Variants in SDK1 observed in about 807,000 individuals in gnomAD.
SDK1 encodes the protein sidekick cell adhesion molecule 1.
Under a neutral mutation model 245.5 loss-of-function variants are expected in SDK1, and 157 were observed. The ratio of observed to expected loss-of-function variants is 0.64; its 90% confidence interval spans 0.56 to 0.73. SDK1 has a LOEUF of 0.73. Among genes scored for constraint, SDK1 ranks in the 30% least tolerant of loss-of-function variants. The pLI is 0.00. For synonymous variants in SDK1, 1,647 were observed against 1,278.5 expected (o/e 1.29, Z -6.15); for missense variants, 3,583 against 3,002.3 (o/e 1.19, Z -4.52).
At chr7:3,883,243 C>T (rs1316089580) in intron 5 of SDK1, among the ~76,000 whole-genome samples, 1 of 152,116 alleles carries the variant, frequency 6.6e-6, no homozygotes, top group African/African-American at 2.4e-5. Flanking sequence ...TTGGGGTTCT[C>T]CTAGGATTTG....
At chr7:3,590,885 C>T (rs1465279182) in intron 1 of SDK1, among the ~76,000 whole-genome samples, 4 of 150,998 alleles carry the variant, frequency 2.6e-5, no homozygotes, top group Non-Finnish European at 4.4e-5. Context: ...CAGGCTCAAG[C>T]GATCCTCCTG....
At chr7:3,363,000 C>T (rs1420726219) in intron 1 of SDK1, among the ~76,000 whole-genome samples, 1 of 152,088 alleles carries the variant, frequency 6.6e-6, no homozygotes, top group African/African-American at 2.4e-5. Flanking sequence ...CATCAGTTTC[C>T]CCTTATGGTG....
At chr7:3,430,224 G>C (rs887301946) in intron 1 of SDK1, among the ~76,000 whole-genome samples, 1 of 152,092 alleles carries the variant, frequency 6.6e-6, no homozygotes, top group Non-Finnish European at 1.5e-5. Flanking sequence ...TTCTAAATTT[G>C]GTAATAAAAG....
At chr7:3,440,020 G>A (rs938639348) in intron 1 of SDK1, among the ~76,000 whole-genome samples, 2 of 152,072 alleles carry the variant, frequency 1.3e-5, no homozygotes, top group East Asian at 3.9e-4. Context: ...GATATGCTTT[G>A]ACATATTCAC....
chr7:3,429,505 G>A (rs1422262891), intron 1 of SDK1, among the ~76,000 whole-genome samples: 2 of 151,898 alleles, frequency 1.3e-5, no homozygotes, highest in African/African-American at 4.8e-5. Flanking sequence ...TCTCATTTTT[G>A]ATCTTGCATG....
rs192157968 is a variant in SDK1, at chr7:4,140,919, T to C, written c.4229-4803T>C. 4.0e-3 allele frequency among the ~76,000 whole-genome samples: 611 copies of C among 152,226 alleles called. 5 individuals are homozygous for C. Among genetic ancestry groups the C allele is most frequent in the African/African-American group, 0.014 (591 of 41,526 alleles). ...GAGTTCAAGACCAGCCTGTGCAACA[T>C]AGTGAGACCCCATCTCTATTTTAAA... On this transcript the variant is annotated intron_variant, in intron 28 of 44. Coordinates refer to ENST00000404826, the MANE Select transcript of SDK1 (RefSeq NM_152744.4).
At chr7:3,537,010 C>T (rs1163940166) in intron 1 of SDK1, among the ~76,000 whole-genome samples, 1 of 152,052 alleles carries the variant, frequency 6.6e-6, no homozygotes, top group Non-Finnish European at 1.5e-5. Context: ...ATAATTTACA[C>T]ATATTAAAAT....
At chr7:4,258,344 G>A (rs576598548) in intron 44 of SDK1, among the ~76,000 whole-genome samples, 1 of 152,146 alleles carries the variant, frequency 6.6e-6, no homozygotes, top group Non-Finnish European at 1.5e-5. Context: ...GCAGGAGGAG[G>A]GGTGGGCAGG....
In SDK1 at chr7:3,863,752, G is replaced by A. The variant is rs1025679007; in HGVS notation, c.847+42169G>A. Among the ~76,000 whole-genome samples, 3 of 152,332 alleles carry A rather than the reference G, an allele frequency of 2.0e-5. No homozygotes were observed. The East Asian group carries it at 5.8e-4, about 29-fold the overall frequency. ...GTCTTCAGGGTTCATCCATGTTGTA[G>A]CAGTTGTCAGAATTCCTTCCCTGTT... On this transcript the variant is annotated intron_variant, in intron 5 of 44. Coordinates refer to ENST00000404826, the MANE Select transcript of SDK1 (RefSeq NM_152744.4).
At chr7:3,377,381 A>C (rs1003061620) in intron 1 of SDK1, among the ~76,000 whole-genome samples, 1 of 152,166 alleles carries the variant, frequency 6.6e-6, no homozygotes, top group African/African-American at 2.4e-5. Context: ...TGGACATTCC[A>C]GCTGCCCCCT....
intron 44 of SDK1, among the ~76,000 whole-genome samples, chr7:4,246,308 TC>T (rs1786856964): frequency 6.6e-6 from 1 of 152,094 alleles, no homozygotes; most frequent in South Asian, 2.1e-4. Flanking sequence ...TCTCATGTAG[TC>T]CCGGGGTAAC....
chr7:4,204,997 G>T (rs546777995), intron 35 of SDK1, among the ~76,000 whole-genome samples: 1 of 151,832 alleles, frequency 6.6e-6, no homozygotes. Flanking sequence ...CCCTAATGGC[G>T]GTGTGGTAAG....
intron 1 of SDK1, among the ~76,000 whole-genome samples, chr7:3,434,377 TC>T (rs1191783157): frequency 2.0e-5 from 3 of 152,208 alleles, no homozygotes; most frequent in Non-Finnish European, 4.4e-5. Flanking sequence ...TTAGGTGTCC[TC>T]CCTGTTGTTT....
chr7:3,741,477 A>G (rs1481682428), intron 4 of SDK1, among the ~76,000 whole-genome samples: 6 of 152,252 alleles, frequency 3.9e-5, no homozygotes, highest in Non-Finnish European at 7.3e-5. Context: ...GAGCATGATT[A>G]AAACAATTGA....
chr7:4,015,829 A>G (rs1786351070), intron 16 of SDK1, among the ~76,000 whole-genome samples: 2 of 152,168 alleles, frequency 1.3e-5, no homozygotes, highest in African/African-American at 4.8e-5. Context: ...CTCAAGGGCC[A>G]TCTGCTTATC....
chr7:4,241,718 G>A, intron 42 of SDK1, 75 bp from the exon 43 acceptor site: 2 of 1,591,016 alleles, frequency 1.3e-6, no homozygotes, highest in Non-Finnish European at 1.7e-6. Context: ...TGCCCCGCTG[G>A]CCAGCTCTGG....
chr7:3,375,839 C>T (rs1781342683), intron 1 of SDK1, among the ~76,000 whole-genome samples: 1 of 152,182 alleles, frequency 6.6e-6, no homozygotes, highest in South Asian at 2.1e-4. Context: ...AGCCACAGAA[C>T]TAAGCTGCTC....
intron 17 of SDK1, among the ~76,000 whole-genome samples, chr7:4,041,270 A>G (rs10259896): frequency 0.31 from 47,257 of 150,354 alleles, 11,548 homozygotes; most frequent in African/African-American, 0.69. Context: ...CAGGAACCAC[A>G]TGCATAGTTT....
At chr7:3,831,125 A>G (rs374325166) in intron 5 of SDK1, among the ~76,000 whole-genome samples, 5 of 152,196 alleles carry the variant, frequency 3.3e-5, no homozygotes, top group Admixed American at 6.5e-5. Context: ...TCATTTTACA[A>G]TCTCTGACAT....
Sources: gnomAD v4.1 joint callset for allele counts (sites outside exome capture counted in the v4.1 genomes callset) on GRCh38, gnomAD v4.1.1 for gene constraint, MANE v1.5 for transcripts, NCBI Gene and HGNC (gene_info 2026-07-23, HGNC 2026-07-21) for gene names.